Variants in CCND3 observed in about 807,000 individuals in gnomAD.
CCND3 encodes the protein cyclin D3.
In CCND3, 9 loss-of-function variants were observed where a neutral mutation model predicts 28.7. The observed-to-expected ratio is 0.31, with a 90% CI of 0.19 to 0.55. The LOEUF (loss-of-function observed/expected upper bound fraction) is 0.55. CCND3 is among the 20% of genes least tolerant of loss of function. CCND3 has a pLI of 0.93. For synonymous variants in CCND3, 164 were observed against 163.9 expected (o/e 1.00, Z 0.00); for missense variants, 315 against 385.8 (o/e 0.82, Z 1.54).
intron 1 of CCND3, among the ~76,000 whole-genome samples, chr6:41,972,624 A>C (rs1325300028): frequency 6.6e-6 from 1 of 152,120 alleles, no homozygotes; most frequent in African/African-American, 2.4e-5. Flanking sequence ...GGCGCCTGGA[A>C]AGTGCACAGT....
intron 1 of CCND3, among the ~76,000 whole-genome samples, chr6:42,028,971 G>GTTTTTTT (rs796486498): frequency 4.4e-5 from 6 of 137,796 alleles, no homozygotes; most frequent in East Asian, 2.2e-4. Context: ...CCTTGAAACG[G>GTTTTTTT]TTTTTTTTTT....
chr6:41,944,507 T>C (rs1482724510), upstream of CCND3, among the ~76,000 whole-genome samples: 1 of 152,112 alleles, frequency 6.6e-6, no homozygotes, highest in African/African-American at 2.4e-5. Flanking sequence ...CTGCAACCTC[T>C]GCCTCCTGGT....
rs1387739485 is a variant in CCND3, at chr6:41,939,456, C to A, written c.414+914G>T. ...ATAACCTCTTCCAGATCCAGCAGCT[C>A]CCCCGCCTCCTCCCCAGGCTCCTTC... On this transcript the variant is annotated intron_variant, in intron 2 of 4. Coordinates refer to ENST00000372991, the MANE Select transcript of CCND3 (RefSeq NM_001760.5). The surrounding 1 kb of genome is among the most constrained non-coding windows in gnomAD (Gnocchi z 4.2). Among the ~76,000 whole-genome samples, 1 of 152,162 alleles carries A rather than the reference C, an allele frequency of 6.6e-6. No individual in the cohort carries two copies. Among genetic ancestry groups the A allele is most frequent in the Non-Finnish European group, 1.5e-5 (1 of 68,028 alleles).
intron 2 of CCND3, 174 bp from the exon 3 acceptor site, chr6:41,937,568 A>G (rs926756019): frequency 1.2e-5 from 8 of 660,106 alleles, no homozygotes; most frequent in Non-Finnish European, 2.0e-5. Flanking sequence ...AGGGAAGAGG[A>G]GGAGGCATGT....
rs1775930929 is a variant in CCND3, at chr6:41,939,793, GA to G, written c.414+576del. On this transcript the variant is annotated intron_variant, in intron 2 of 4. Coordinates refer to ENST00000372991, the MANE Select transcript of CCND3 (RefSeq NM_001760.5). The surrounding 1 kb of genome is among the most constrained non-coding windows in gnomAD (Gnocchi z 4.2). ...AATGAGGACGAGGAAGGATTAGGAA[GA>G]AGCTGTTTCTTCCGGGATATAAGAG... is the stretch of plus-strand genomic sequence containing the variant. Among the ~76,000 whole-genome samples the G allele has an allele frequency of 6.6e-6, 1 of 152,190 alleles. No homozygotes were observed. Among genetic ancestry groups the G allele is most frequent in the East Asian group, 1.9e-4 (1 of 5,196 alleles).
At chr6:41,974,950 G>A (rs1026314780) in intron 1 of CCND3, among the ~76,000 whole-genome samples, 2 of 151,754 alleles carry the variant, frequency 1.3e-5, no homozygotes, top group Non-Finnish European at 2.9e-5. Flanking sequence ...CTGCCACCAC[G>A]CCCAGCTAAT....
At chr6:41,967,444 T>C (rs1761917811) in intron 1 of CCND3, among the ~76,000 whole-genome samples, 2 of 152,236 alleles carry the variant, frequency 1.3e-5, no homozygotes, top group Admixed American at 1.3e-4. Context: ...GGCAAGTGAC[T>C]AAGCCTCGAT....
chr6:41,980,685 G>A (rs1473700003), intron 1 of CCND3, among the ~76,000 whole-genome samples: 1 of 152,148 alleles, frequency 6.6e-6, no homozygotes, highest in Non-Finnish European at 1.5e-5. Flanking sequence ...TATACATTAT[G>A]AGCAAGTGGG....
Position 41,940,481 on chromosome 6 carries a change from G to A in CCND3, c.303C>T (p.Leu101=), listed in dbSNP as rs535797704. 5 of 1,614,152 alleles carry A rather than the reference G, an allele frequency of 3.1e-6. No individual in the cohort carries two copies. The highest frequency in any genetic ancestry group is 2.7e-5 in the African/African-American group (2 of 75,036). Residue 101 remains leucine (L), a synonymous_variant, in exon 2 of 5, where the codon CTC becomes CTT. Coordinates refer to ENST00000372991, the MANE Select transcript of CCND3 (RefSeq NM_001760.5). ...CVPTRKAQLQ[L]LGAVCMLLAS... ...CCAGCAGCATGCAGACCGCACCCAG[G>A]AGCTGCAACTGCGCCTTTCGGGTGG... is the stretch of plus-strand genomic sequence containing the variant.
chr6:41,961,791 A>C (rs1761726682), intron 1 of CCND3, among the ~76,000 whole-genome samples: 4 of 152,028 alleles, frequency 2.6e-5, no homozygotes, highest in Admixed American at 6.6e-5. Flanking sequence ...CACACCCGGT[A>C]CCTCAAACTC....
At chr6:42,006,215 G>C (rs1319696540) in intron 1 of CCND3, among the ~76,000 whole-genome samples, 3 of 150,988 alleles carry the variant, frequency 2.0e-5, no homozygotes, top group Non-Finnish European at 4.4e-5. Flanking sequence ...ACTCATAGAT[G>C]AAAAACAAAA....
chr6:41,937,385 C>T lies in CCND3; in HGVS notation c.424G>A (p.Val142Met), dbSNP rs1409404097. The change falls in exon 3 of 5, where the codon GTG (valine) becomes ATG (methionine). Residue 142 changes from valine to methionine, a missense_variant. Val to Met is a conservative substitution (Grantham distance 21). Transcript: ENST00000372991. Reference protein sequence around the residue: ...VSPRQLRDWEVLVLGKLKWDL... With the variant: ...VSPRQLRDWEMLVLGKLKWDL... ...CACTTGAGCTTCCCTAGGACCAGCA[C>T]CTCCCAGTCCTGAAAAAGCGGGGAA... The T allele has an allele frequency of 7.4e-6, 12 of 1,613,908 alleles. No homozygotes were observed. Among genetic ancestry groups the T allele is most frequent in the Non-Finnish European group, 1.0e-5 (12 of 1,179,988 alleles).
intron 1 of CCND3, among the ~76,000 whole-genome samples, chr6:41,976,503 A>G (rs886883226): frequency 3.3e-5 from 5 of 151,884 alleles, no homozygotes; most frequent in Non-Finnish European, 7.4e-5. Context: ...AACTTCAAAA[A>G]TTAGCCAGGT....
intron 1 of CCND3, chr6:41,940,899 T>C: frequency 6.6e-7 from 1 of 1,509,668 alleles, no homozygotes; most frequent in Non-Finnish European, 9.2e-7. Context: ...GGGTCACCCA[T>C]GGTAGCCAGA....
intron 1 of CCND3, among the ~76,000 whole-genome samples, chr6:41,994,317 C>T (rs1015126804): frequency 6.6e-6 from 1 of 151,888 alleles, no homozygotes; most frequent in Non-Finnish European, 1.5e-5. Context: ...TAAGTACACT[C>T]GATGATGTTC....
intron 1 of CCND3, among the ~76,000 whole-genome samples, chr6:41,953,128 C>T (rs1561958809): frequency 2.0e-5 from 3 of 151,714 alleles, no homozygotes; most frequent in Admixed American, 1.3e-4. Flanking sequence ...AAAAATTCGC[C>T]GGGCGTGATG....
chr6:41,977,514 C>G (rs1762218025), intron 1 of CCND3, among the ~76,000 whole-genome samples: 1 of 152,076 alleles, frequency 6.6e-6, no homozygotes, highest in South Asian at 2.1e-4. Flanking sequence ...TTACAGGCAC[C>G]TGCCACGATG....
intron 1 of CCND3, among the ~76,000 whole-genome samples, chr6:41,981,263 C>G (rs752294921): frequency 6.8e-6 from 1 of 147,142 alleles, no homozygotes; most frequent in Non-Finnish European, 1.5e-5. Flanking sequence ...TGGAGTGCAT[C>G]GGTGCGATCT....
At chr6:41,954,265 A>AAAAAAAAAAAG (rs1776385579) in intron 1 of CCND3, among the ~76,000 whole-genome samples, 1 of 138,646 alleles carries the variant, frequency 7.2e-6, no homozygotes. Flanking sequence ...AAAAAAAAAA[A>AAAAAAAAAAAG]AAAAAAAAAA....
Sources: gnomAD v4.1 joint callset for allele counts (sites outside exome capture counted in the v4.1 genomes callset) on GRCh38, gnomAD v4.1.1 for gene constraint, Gnocchi (gnomAD v3.1) non-coding constraint, MANE v1.5 for transcripts, NCBI Gene and HGNC (gene_info 2026-07-23, HGNC 2026-07-21) for gene names.